The following EPCAM variants were observed in gnomAD, a reference collection of about 807,000 sequenced individuals.
The protein encoded by EPCAM is adenocarcinoma-associated antigen.
A neutral mutation model predicts 40.0 loss-of-function variants in EPCAM; 39 were observed. The ratio of observed to expected loss-of-function variants is 0.98; its 90% CI spans 0.76 to 1.27. EPCAM has a LOEUF of 1.27. EPCAM is among the 50% of genes most tolerant of loss of function. EPCAM has a pLI of 0.00. For missense variants in EPCAM, 503 were observed against 381.2 expected, an observed-to-expected ratio of 1.32 and a Z score of -2.66; for synonymous variants, 168 against 132.3, an observed-to-expected ratio of 1.27 and a Z score of -1.85.
chr2:47,380,615 G>A (rs1671561019), intron 7 of EPCAM, among the ~76,000 whole-genome samples: 1 of 152,086 alleles, frequency 6.6e-6, no homozygotes, highest in Non-Finnish European at 1.5e-5. Context: ...CAATAAGATG[G>A]AACAACAGAA....
At chr2:47,369,927 TC>T in intron 1 of EPCAM, 1 of 409,808 alleles carries the variant, frequency 2.4e-6, no homozygotes, top group East Asian at 5.2e-5. Flanking sequence ...CGTCCTCGGT[TC>T]GGGGTGGACT....
intron 4 of EPCAM, 79 bp from the exon 5 acceptor site, chr2:47,376,935 G>A: frequency 5.3e-6 from 5 of 943,764 alleles, no homozygotes; most frequent in South Asian, 1.3e-5. Context: ...ACCCTGAGCT[G>A]TCTGCTTAAA....
intron 1 of EPCAM, among the ~76,000 whole-genome samples, chr2:47,371,185 G>A (rs139305495): frequency 6.6e-6 from 1 of 152,220 alleles, no homozygotes; most frequent in African/African-American, 2.4e-5. Flanking sequence ...ATGTTGCACC[G>A]TTATTCAAAT....
At chr2:47,373,681 CA>C in intron 2 of EPCAM, 111 bp downstream of exon 2, 5 of 1,461,168 alleles carry the variant, frequency 3.4e-6, no homozygotes, top group Non-Finnish European at 4.7e-6. Context: ...AATCATGTTA[CA>C]AAGTAAGTGT....
chr2:47,386,769 G>T lies in EPCAM; in HGVS notation c.*156G>T, dbSNP rs1315032298. 3.6e-6 allele frequency: 2 copies of T among 560,514 alleles called. No homozygotes were observed. The highest frequency in any genetic ancestry group is 6.3e-6 in the Non-Finnish European group (2 of 317,980). 34.7% of individuals were successfully genotyped at this position (560,514 alleles called of 1,614,324 possible). ...GAAACCTGTACTCAAAATATAAGCA[G>T]CTTGAAACTGGCTTTACCAATCTTG... On this transcript the variant is annotated 3_prime_UTR_variant, in exon 9 of 9. Transcript: ENST00000263735.
chr2:47,371,396 G>C (rs1468051074), intron 1 of EPCAM, among the ~76,000 whole-genome samples: 1 of 152,198 alleles, frequency 6.6e-6, no homozygotes, highest in African/African-American at 2.4e-5. Context: ...AAAGTGCTGG[G>C]ATTACAGGCA....
At position 47,373,570 on chromosome 2, in the gene EPCAM, C is replaced by G. The variant is rs373605377; in HGVS notation, c.184C>G (p.Leu62Val). The part of the protein sequence containing the change: ...GAQNTVICSK[L>V]AAKCLVMKAE... ...ACAAAATACTGTCATTTGCTCAAAG[C>G]GTGAGTAAAATATCCTAATTACCTG... The change falls in exon 2 of 9, where the codon CTG becomes GTG. Residue 62 changes from leucine to valine, a missense_variant and splice_region_variant. By Grantham distance (32) the Leu-to-Val change is conservative (BLOSUM62 1). Transcript: ENST00000263735. 1.3e-6 allele frequency: 2 copies of G among 1,597,902 alleles called. No individual in the cohort carries two copies. Among genetic ancestry groups the G allele is most frequent in the Non-Finnish European group, 1.7e-6 (2 of 1,165,610 alleles).
chr2:47,382,485 G>A (rs958059707), intron 7 of EPCAM, among the ~76,000 whole-genome samples: 3 of 152,108 alleles, frequency 2.0e-5, no homozygotes, highest in Admixed American at 6.5e-5. Context: ...CTGGGAGTCC[G>A]AGACCAGCCT....
At chr2:47,378,852 A>T in intron 5 of EPCAM, 101 bp from the exon 6 acceptor site, 1 of 699,880 alleles carries the variant, frequency 1.4e-6, no homozygotes, top group Non-Finnish European at 2.6e-6. Context: ...TGTAGATTAT[A>T]GAAAATCAAA....
intron 4 of EPCAM, among the ~76,000 whole-genome samples, chr2:47,376,051 C>G (rs769329497): frequency 1.3e-5 from 2 of 151,968 alleles, no homozygotes; most frequent in Non-Finnish European, 2.9e-5. Flanking sequence ...CCAATATTGT[C>G]CTTTGTAGTA....
chr2:47,374,324 T>A (rs910841761), intron 3 of EPCAM, among the ~76,000 whole-genome samples: 3 of 152,216 alleles, frequency 2.0e-5, no homozygotes, highest in African/African-American at 7.2e-5. Context: ...CTAGGTATAA[T>A]TTTTCTTTTA....
chr2:47,385,419 T>G (rs986950875), intron 8 of EPCAM, among the ~76,000 whole-genome samples: 1 of 152,094 alleles, frequency 6.6e-6, no homozygotes, highest in African/African-American at 2.4e-5. Flanking sequence ...TTCTGCCTCA[T>G]AGAAGAGTGG....
chr2:47,370,402 G>A (rs984189074), intron 1 of EPCAM, among the ~76,000 whole-genome samples: 3 of 151,210 alleles, frequency 2.0e-5, no homozygotes, highest in Non-Finnish European at 4.4e-5. Flanking sequence ...CTCCTGAGTA[G>A]AGTAGCTGGG....
At chr2:47,370,791 C>G (rs1458089780) in intron 1 of EPCAM, among the ~76,000 whole-genome samples, 2 of 152,016 alleles carry the variant, frequency 1.3e-5, no homozygotes, top group Admixed American at 1.3e-4. Context: ...AGTACAACGG[C>G]GCGATCTCAT....
chr2:47,386,543 AT>A, intron 8 of EPCAM, 28 bp from the exon 9 acceptor site: 4 of 1,570,042 alleles, frequency 2.5e-6, no homozygotes, highest in South Asian at 2.3e-5. Flanking sequence ...ATTATTTAGA[AT>A]TTTTTTCTGT....
At chr2:47,372,163 G>T (rs1465564365) in intron 1 of EPCAM, among the ~76,000 whole-genome samples, 9 of 152,112 alleles carry the variant, frequency 5.9e-5, no homozygotes, top group African/African-American at 2.2e-4. Flanking sequence ...CACTTAAAGG[G>T]AGGACTATAA....
In EPCAM at chr2:47,375,290, G is replaced by C. The variant is rs1671394037; in HGVS notation, c.482G>C (p.Ser161Thr). 2 of 1,609,208 alleles carry C rather than the reference G, an allele frequency of 1.2e-6. No homozygotes were observed. The highest frequency in any genetic ancestry group is 1.7e-5 in the Admixed American group (1 of 59,976). ...AGAGAAAAACCTTATGATAGTAAAA[G>C]TTTGCGGACGTAAGTGCAATTAAAT... ...KAREKPYDSKSLRTALQKEIT... is the reference protein window; with the variant it reads ...KAREKPYDSKTLRTALQKEIT... Residue 161 changes from serine (S) to threonine (T), a missense_variant, in exon 4 of 9, where the codon AGT (serine) becomes ACT (threonine). Ser to Thr is a moderately conservative substitution (Grantham distance 58, BLOSUM62 1). Transcript: ENST00000263735.
chr2:47,378,231 C>CAAAAA (rs1671478916), intron 5 of EPCAM, among the ~76,000 whole-genome samples: 2 of 149,936 alleles, frequency 1.3e-5, no homozygotes, highest in African/African-American at 4.9e-5. Context: ...GACTCCGTCT[C>CAAAAA]AAAAACAAAA....
intron 1 of EPCAM, among the ~76,000 whole-genome samples, chr2:47,371,283 CAG>C (rs1671257555): frequency 1.3e-5 from 2 of 152,096 alleles, no homozygotes; most frequent in South Asian, 4.1e-4. Flanking sequence ...TTTTTGGAAA[CAG>C]TGTCTCCGTC....
Sources: gnomAD v4.1 joint callset for allele counts (sites outside exome capture counted in the v4.1 genomes callset) on GRCh38, gnomAD v4.1.1 for gene constraint, MANE v1.5 for transcripts, NCBI Gene and HGNC (gene_info 2026-07-23, HGNC 2026-07-21) for gene names.